The following OTUD7A variants were observed in gnomAD, a reference collection of about 807,000 sequenced individuals.
OTUD7A encodes OTU deubiquitinase 7A, also known as OTU domain-containing protein 7A.
In OTUD7A, 12 loss-of-function variants were observed where a neutral mutation model predicts 65.7. The observed-to-expected ratio is 0.18, with a 90% CI of 0.12 to 0.30. OTUD7A has a LOEUF of 0.30. OTUD7A is among the 10% of genes least tolerant of loss of function. OTUD7A has a pLI of 1.00. For missense variants in OTUD7A, 1,148 were observed against 1,304.8 expected, an observed-to-expected ratio of 0.88 and a Z score of 1.85; for synonymous variants, 641 against 586.3, an observed-to-expected ratio of 1.09 and a Z score of -1.35.
At chr15:31,618,017 G>A (rs1257894475) in intron 3 of OTUD7A, among the ~76,000 whole-genome samples, 1 of 151,254 alleles carries the variant, frequency 6.6e-6, no homozygotes, top group African/African-American at 2.4e-5. Context: ...CTATGAGTGA[G>A]AACATGCGGT....
intron 1 of OTUD7A, among the ~76,000 whole-genome samples, chr15:31,773,759 T>A (rs1895299097): frequency 6.6e-6 from 1 of 152,192 alleles, no homozygotes; most frequent in East Asian, 1.9e-4. Context: ...TGGGTTTAAA[T>A]ATATGAAATA....
chr15:31,860,177 ATTC>A (rs1897682142), intron 1 of OTUD7A, among the ~76,000 whole-genome samples: 3 of 152,258 alleles, frequency 2.0e-5, no homozygotes, highest in South Asian at 4.1e-4. Flanking sequence ...TGAAACTATA[ATTC>A]TTCTTTGAAC....
intron 1 of OTUD7A, among the ~76,000 whole-genome samples, chr15:31,810,709 C>A (rs1214123697): frequency 6.6e-6 from 1 of 152,192 alleles, no homozygotes; most frequent in African/African-American, 2.4e-5. Context: ...TCAACTAATG[C>A]CAGTGGCCTC....
chr15:31,730,178 C>T lies in OTUD7A; in HGVS notation c.-99-73101G>A, dbSNP rs150424785. On this transcript the variant is annotated intron_variant, in intron 1 of 12. Transcript: ENST00000307050. ...GGTTGTCAGCAACCAGGAAGAGAGCCCCACCAGAACCAACCATGTTGGCAC... is the reference window on the plus strand; with the variant it reads ...GGTTGTCAGCAACCAGGAAGAGAGCTCCACCAGAACCAACCATGTTGGCAC... Among the ~76,000 whole-genome samples, 871 of 152,186 alleles carry T rather than the reference C, an allele frequency of 5.7e-3. 16 individuals are homozygous for T. Among genetic ancestry groups the T allele is most frequent in the Non-Finnish European group, 6.7e-3 (454 of 68,002 alleles).
intron 3 of OTUD7A, among the ~76,000 whole-genome samples, chr15:31,626,949 G>A (rs1354845290): frequency 7.9e-6 from 1 of 126,866 alleles, no homozygotes; most frequent in South Asian, 2.4e-4. Context: ...TTACTTTATT[G>A]TTAAAAAAAA....
At chr15:31,545,642 G>A (rs79528593) in intron 5 of OTUD7A, among the ~76,000 whole-genome samples, 4,726 of 152,056 alleles carry the variant, frequency 0.031, 242 homozygotes, top group African/African-American at 0.11. Flanking sequence ...CCAATAACAT[G>A]AAAAGTACCT....
chr15:31,717,720 T>C lies in OTUD7A; in HGVS notation c.-99-60643A>G, dbSNP rs568215558. Among the ~76,000 whole-genome samples the C allele has an allele frequency of 9.2e-5, 14 of 152,338 alleles. No individual in the cohort carries two copies. The South Asian group carries it at 1.2e-3, about 14-fold the overall frequency. ...AAACATACATGTGCATGTGTCTTTA[T>C]AGTAGAATGATTTATATACCTTTGG... On this transcript the variant is annotated intron_variant, in intron 1 of 12. Transcript: ENST00000307050.
chr15:31,869,940 T>C (rs1210728034), intron 1 of OTUD7A, among the ~76,000 whole-genome samples: 1 of 152,116 alleles, frequency 6.6e-6, no homozygotes, highest in East Asian at 1.9e-4. Context: ...CAAATTGCCT[T>C]AATGGTTTGC....
intron 3 of OTUD7A, among the ~76,000 whole-genome samples, chr15:31,594,022 T>A (rs995617150): frequency 6.6e-6 from 1 of 152,222 alleles, no homozygotes; most frequent in Non-Finnish European, 1.5e-5. Flanking sequence ...ACCGTTAACT[T>A]CATTCACCAA....
chr15:31,518,354 T>A (rs2041890344), intron 8 of OTUD7A, among the ~76,000 whole-genome samples: 1 of 151,978 alleles, frequency 6.6e-6, no homozygotes, highest in African/African-American at 2.4e-5. Flanking sequence ...GTGCCTGTAG[T>A]CCCAGCTACT....
chr15:31,822,751 C>G (rs1273666435), intron 1 of OTUD7A, among the ~76,000 whole-genome samples: 11 of 152,306 alleles, frequency 7.2e-5, no homozygotes, highest in Admixed American at 2.0e-4. Flanking sequence ...CAGGCAGACC[C>G]CTCAGGACCA....
At chr15:31,516,637 G>C (rs1400975552) in intron 8 of OTUD7A, among the ~76,000 whole-genome samples, 1 of 152,190 alleles carries the variant, frequency 6.6e-6, no homozygotes, top group Non-Finnish European at 1.5e-5. Context: ...ACCCAAGCTG[G>C]TGGCCAGAGA....
At chr15:31,501,872 A>G in intron 9 of OTUD7A, 33 bp from the exon 10 acceptor site, 1 of 1,580,390 alleles carries the variant, frequency 6.3e-7, no homozygotes, top group Non-Finnish European at 8.6e-7. Context: ...GGGTGTGAGG[A>G]GCAGCCAGCT....
intron 1 of OTUD7A, among the ~76,000 whole-genome samples, chr15:31,836,387 T>C (rs1897055813): frequency 6.6e-6 from 1 of 152,214 alleles, no homozygotes; most frequent in Non-Finnish European, 1.5e-5. Flanking sequence ...TTACTCTCTT[T>C]GCACTTTTCA....
At chr15:31,740,686 G>T (rs925708412) in intron 1 of OTUD7A, among the ~76,000 whole-genome samples, 20 of 152,174 alleles carry the variant, frequency 1.3e-4, no homozygotes, top group African/African-American at 4.6e-4. Context: ...GGGTAGAGGT[G>T]AACCCAAATG....
chr15:31,806,499 G>C (rs138189071), intron 1 of OTUD7A, among the ~76,000 whole-genome samples: 335 of 152,260 alleles, frequency 2.2e-3, no homozygotes, highest in South Asian at 7.7e-3. Context: ...CATTAAAAAG[G>C]CCTGTTACAA....
rs199791523 is a variant in OTUD7A at position 31,848,446 on chromosome 15, AT to A, written c.-100+22060del. Among the ~76,000 whole-genome samples the A allele has an allele frequency of 7.1e-3, 1,080 of 152,070 alleles. 15 individuals carry two copies. Among genetic ancestry groups the A allele is most frequent in the African/African-American group, 0.025 (1,026 of 41,434 alleles). ...AATACTCTAAAAAACTGTGCTTTTT[AT>A]TTTTAAAAAAAAACAGTTTTCTCTC... On this transcript the variant is annotated intron_variant, in intron 1 of 12. Coordinates refer to ENST00000307050, the MANE Select transcript of OTUD7A (RefSeq NM_001382637.1).
At position 31,569,173 on chromosome 15, in the gene OTUD7A, A is replaced by G. The variant is rs1888968398; in HGVS notation, c.331+845T>C. ...GAAACACACATGTGTTGGCACAGCA[A>G]ATCCATTCTGGGAATGCAAACCCAT... On this transcript the variant is annotated intron_variant, in intron 4 of 12. Coordinates refer to ENST00000307050, the MANE Select transcript of OTUD7A (RefSeq NM_001382637.1). 2.6e-5 allele frequency among the ~76,000 whole-genome samples: 4 copies of G among 152,256 alleles called. No individual in the cohort carries two copies. In the South Asian group the frequency reaches 8.3e-4, roughly 31 times the overall value.
At position 31,559,743 on chromosome 15, in the gene OTUD7A, A is replaced by T. The variant is rs1888628246; in HGVS notation, c.332-556T>A. Reference sequence around the variant, plus strand: ...ATACTATATACGTGTACACATATAGATGTATTTGCACACACAAATACACAG... The same window carrying T: ...ATACTATATACGTGTACACATATAGTTGTATTTGCACACACAAATACACAG... On this transcript the variant is annotated intron_variant, in intron 4 of 12. Coordinates refer to ENST00000307050, the MANE Select transcript of OTUD7A (RefSeq NM_001382637.1). 2.6e-5 allele frequency among the ~76,000 whole-genome samples: 4 copies of T among 152,318 alleles called. No homozygotes were observed. In the South Asian group the frequency reaches 8.3e-4, roughly 32 times the overall value.
Sources: gnomAD v4.1 joint callset for allele counts (sites outside exome capture counted in the v4.1 genomes callset) on GRCh38, gnomAD v4.1.1 for gene constraint, MANE v1.5 for transcripts, NCBI Gene and HGNC (gene_info 2026-07-23, HGNC 2026-07-21) for gene names.